DMD: variants seen among roughly 807,000 people sequenced by gnomAD.
The protein encoded by DMD is mutant dystrophin.
Under a neutral mutation model 330.1 loss-of-function variants are expected in DMD, and 63 were observed. The ratio of observed to expected loss-of-function variants is 0.19; its 90% CI spans 0.16 to 0.24. DMD has a LOEUF of 0.24. Ranked by LOEUF, DMD falls within the 10% of genes least tolerant of loss-of-function variation. The pLI, the probability that DMD is intolerant of heterozygous loss-of-function variation, is 1.00. For synonymous variants in DMD, 1,223 were observed against 959.8 expected (o/e 1.27, Z -5.07); for missense variants, 3,344 against 2,684.1 (o/e 1.25, Z -5.43).
At chrX:32,821,544 C>T (rs935852234) in intron 5 of DMD, among the ~76,000 whole-genome samples, 46 of 108,784 alleles carry the variant, frequency 4.2e-4, no homozygotes, top group African/African-American at 1.4e-3. Flanking sequence ...GCCGAGATCG[C>T]GCCACTGCAC....
In DMD at chrX:32,491,635, GATCA is replaced by G. The variant is rs767503788; in HGVS notation, c.2381-121_2381-118del. 279 of 695,221 alleles carry G rather than the reference GATCA, an allele frequency of 4.0e-4. 3 individuals are homozygous for G. The South Asian group carries it at 7.0e-3, about 17-fold the overall frequency. The allele number at this position is 695,221 out of a possible 1,213,427, so 57.3% of individuals were successfully genotyped here. On this transcript the variant is annotated intron_variant, in intron 19 of 78. Transcript: ENST00000357033. ...TCACCACATGAATGATTTCAAACCA[GATCA>G]ATTATTTTCTAAGATATAAATGTGT...
intron 34 of DMD, among the ~76,000 whole-genome samples, chrX:32,371,591 T>C (rs1211675134): frequency 9.0e-6 from 1 of 111,671 alleles, no homozygotes; most frequent in African/African-American, 3.2e-5. Context: ...GAAAATCATA[T>C]AGATTAGACT....
intron 1 of DMD, among the ~76,000 whole-genome samples, chrX:33,316,442 C>A (rs2053934147): frequency 9.0e-6 from 1 of 110,943 alleles, no homozygotes; most frequent in Admixed American, 9.6e-5. Context: ...TATGAAAAAT[C>A]TATAAGCGTT....
At chrX:32,868,492 G>C (rs1352737178) in intron 2 of DMD, among the ~76,000 whole-genome samples, 3 of 111,925 alleles carry the variant, frequency 2.7e-5, no homozygotes, top group Non-Finnish European at 5.6e-5. Flanking sequence ...CCGGCTTACT[G>C]AGAGGACTGA....
At chrX:31,904,648 A>G (rs772562785) in intron 47 of DMD, among the ~76,000 whole-genome samples, 2 of 111,803 alleles carry the variant, frequency 1.8e-5, no homozygotes, top group South Asian at 7.5e-4. Flanking sequence ...GGAAGACTAC[A>G]GTCCAATAAC....
intron 1 of DMD, among the ~76,000 whole-genome samples, chrX:33,145,430 T>A (rs1325801575): frequency 9.0e-6 from 1 of 111,565 alleles, no homozygotes; most frequent in Non-Finnish European, 1.9e-5. Context: ...AACACTTTTA[T>A]CTGATATGTT....
intron 11 of DMD, among the ~76,000 whole-genome samples, chrX:32,629,604 CTCTT>C (rs2058599594): frequency 9.0e-6 from 1 of 110,923 alleles, no homozygotes; most frequent in Non-Finnish European, 1.9e-5. Context: ...TCTTCATTCT[CTCTT>C]TCCTTCCTGT....
At chrX:32,922,488 CA>C (rs1355414298) in intron 2 of DMD, among the ~76,000 whole-genome samples, 2 of 112,194 alleles carry the variant, frequency 1.8e-5, no homozygotes, top group Non-Finnish European at 3.8e-5. Flanking sequence ...TCGTGGAAGA[CA>C]ATTTTTTCAC....
chrX:33,230,620 A>G (rs140318562), intron 1 of DMD, among the ~76,000 whole-genome samples: 1,189 of 110,926 alleles, frequency 0.011, 18 homozygotes, highest in African/African-American at 0.037. Context: ...CATATATCTG[A>G]CCTTTATTGA....
intron 47 of DMD, among the ~76,000 whole-genome samples, chrX:31,902,154 A>T (rs1355157805): frequency 8.9e-6 from 1 of 111,902 alleles, no homozygotes; most frequent in African/African-American, 3.2e-5. Context: ...ACTTCTGTCA[A>T]TCAACAACAA....
At chrX:32,795,068 A>G (rs937625822) in intron 7 of DMD, among the ~76,000 whole-genome samples, 4 of 112,284 alleles carry the variant, frequency 3.6e-5, no homozygotes, top group Admixed American at 9.4e-5. Context: ...TGTTATTAAC[A>G]TGATCTTTCT....
chrX:32,382,010 A>C (rs992254615), intron 33 of DMD, among the ~76,000 whole-genome samples: 1 of 111,114 alleles, frequency 9.0e-6, no homozygotes, highest in African/African-American at 3.3e-5. Context: ...ACACAGGAAT[A>C]TTGCGAGGGT....
intron 7 of DMD, among the ~76,000 whole-genome samples, chrX:32,734,441 G>C (rs1270529719): frequency 9.3e-6 from 1 of 107,079 alleles, no homozygotes; most frequent in Non-Finnish European, 1.9e-5. Flanking sequence ...TGATACGAAA[G>C]CCTGGCAGAG....
chrX:31,181,484 G>A (rs929563684), intron 68 of DMD, among the ~76,000 whole-genome samples: 5 of 111,567 alleles, frequency 4.5e-5, no homozygotes, highest in Non-Finnish European at 9.4e-5. Flanking sequence ...AGCTAAGGAA[G>A]CAGAGAAAAG....
At chrX:33,295,885 A>C (rs949763994) in intron 1 of DMD, among the ~76,000 whole-genome samples, 1 of 111,743 alleles carries the variant, frequency 8.9e-6, no homozygotes, top group East Asian at 2.8e-4. Flanking sequence ...CTAAAATTAC[A>C]CAAATGGACA....
intron 51 of DMD, among the ~76,000 whole-genome samples, chrX:31,749,112 G>A (rs1468427223): frequency 9.4e-6 from 1 of 106,139 alleles, no homozygotes; most frequent in Non-Finnish European, 1.9e-5. Context: ...GCATTTGTTT[G>A]TTTCTTTTTT....
chrX:32,288,562 C>G (rs1026791457), intron 42 of DMD, among the ~76,000 whole-genome samples: 1 of 111,880 alleles, frequency 8.9e-6, no homozygotes, highest in Non-Finnish European at 1.9e-5. Flanking sequence ...TAATTCTCCA[C>G]ACAAGAGCCG....
At chrX:32,695,990 A>C (rs1370201442) in intron 9 of DMD, among the ~76,000 whole-genome samples, 3 of 112,206 alleles carry the variant, frequency 2.7e-5, no homozygotes, top group African/African-American at 9.7e-5. Flanking sequence ...TCTGTGATTA[A>C]GAATACTTAT....
At chrX:33,027,234 A>T (rs1365834498) in intron 1 of DMD, among the ~76,000 whole-genome samples, 1 of 112,203 alleles carries the variant, frequency 8.9e-6, no homozygotes, top group Non-Finnish European at 1.9e-5. Flanking sequence ...AAATGTTGGC[A>T]TAAGGGGAGA....
Sources: allele counts gnomAD v4.1 joint callset (sites outside exome capture counted in the v4.1 genomes callset), GRCh38; gene constraint gnomAD v4.1.1; transcripts MANE v1.5; gene names NCBI Gene and HGNC (gene_info 2026-07-23, HGNC 2026-07-21).